The following MMP16 variants were observed in gnomAD, a reference collection of about 807,000 sequenced individuals.
The protein encoded by MMP16 is matrix metallopeptidase 16.
In MMP16, 12 loss-of-function variants were observed where a neutral mutation model predicts 67.8. That is an observed-to-expected ratio of 0.18 (90% CI 0.11 to 0.29). The LOEUF is 0.29. MMP16 is among the 10% of genes least tolerant of loss of function. MMP16 has a pLI of 1.00. For missense variants in MMP16, 475 were observed against 765.7 expected, an observed-to-expected ratio of 0.62 and a Z score of 4.48; for synonymous variants, 249 against 255.9, an observed-to-expected ratio of 0.97 and a Z score of 0.26.
chr8:88,189,660 C>T (rs1781773516), intron 2 of MMP16, among the ~76,000 whole-genome samples: 3 of 152,288 alleles, frequency 2.0e-5, no homozygotes, highest in East Asian at 1.9e-4. Context: ...GTCCCCTGTC[C>T]TCCTTCTCAA....
intron 4 of MMP16, among the ~76,000 whole-genome samples, chr8:88,147,589 G>C (rs1420716979): frequency 6.6e-6 from 1 of 151,704 alleles, no homozygotes; most frequent in Non-Finnish European, 1.5e-5. Context: ...CCTAACCTTG[G>C]AAAGAGTTTT....
At chr8:88,103,067 CT>C (rs1809171380) in intron 6 of MMP16, among the ~76,000 whole-genome samples, 1 of 151,814 alleles carries the variant, frequency 6.6e-6, no homozygotes, top group Non-Finnish European at 1.5e-5. Context: ...CTGTTTGAGA[CT>C]TTCCATCTTC....
At chr8:88,113,110 C>T (rs74989995) in intron 6 of MMP16, among the ~76,000 whole-genome samples, 1 of 151,816 alleles carries the variant, frequency 6.6e-6, no homozygotes, top group Non-Finnish European at 1.5e-5. Flanking sequence ...TTCATTAGCA[C>T]TGAGCACTAT....
chr8:88,082,010 T>C (rs1203697044), intron 6 of MMP16, among the ~76,000 whole-genome samples: 4 of 152,100 alleles, frequency 2.6e-5, no homozygotes, highest in African/African-American at 7.2e-5. Context: ...TAAAAAGCTA[T>C]GAAAACATGG....
intron 1 of MMP16, among the ~76,000 whole-genome samples, chr8:88,272,188 C>A (rs2129974607): frequency 6.6e-6 from 1 of 152,256 alleles, no homozygotes; most frequent in Middle Eastern, 3.4e-3. Flanking sequence ...ATTTATCAAT[C>A]ATTTTTATCA....
intron 1 of MMP16, among the ~76,000 whole-genome samples, chr8:88,239,096 T>G (rs1243658705): frequency 6.6e-6 from 1 of 152,124 alleles, no homozygotes; most frequent in African/African-American, 2.4e-5. Flanking sequence ...CTTTCCTTGC[T>G]GCTCTCCTGC....
At chr8:88,308,926 C>T (rs1811253525) in intron 1 of MMP16, among the ~76,000 whole-genome samples, 2 of 151,636 alleles carry the variant, frequency 1.3e-5, no homozygotes, top group South Asian at 2.1e-4. Flanking sequence ...TTAAAAAATG[C>T]AAATAGTTTA....
At chr8:88,150,931 A>G (rs1808394428) in intron 4 of MMP16, among the ~76,000 whole-genome samples, 2 of 135,976 alleles carry the variant, frequency 1.5e-5, no homozygotes, top group Admixed American at 7.7e-5. Flanking sequence ...TTGGATAAAG[A>G]GTCAAGACCC....
At chr8:88,228,645 T>A (rs1378998925) in intron 1 of MMP16, among the ~76,000 whole-genome samples, 1 of 151,960 alleles carries the variant, frequency 6.6e-6, no homozygotes, top group East Asian at 1.9e-4. Context: ...CATCTGAGAG[T>A]CTGTCTTAAA....
chr8:88,178,200 A>G (rs116279664), intron 3 of MMP16, among the ~76,000 whole-genome samples: 75 of 152,328 alleles, frequency 4.9e-4, no homozygotes, highest in African/African-American at 1.7e-3. Context: ...GGAAGAGAAA[A>G]CAGAGGCTGA....
intron 1 of MMP16, among the ~76,000 whole-genome samples, chr8:88,280,071 T>C (rs1394689386): frequency 6.6e-6 from 1 of 152,184 alleles, no homozygotes; most frequent in Non-Finnish European, 1.5e-5. Flanking sequence ...GGAGTCTCCC[T>C]CTGTAGATAA....
At chr8:88,190,779 C>T (rs1043618964) in intron 2 of MMP16, among the ~76,000 whole-genome samples, 145 of 151,992 alleles carry the variant, frequency 9.5e-4, no homozygotes, top group African/African-American at 3.1e-3. Flanking sequence ...AAAATCTAGT[C>T]ACCACCTTTT....
At chr8:88,270,778 G>A (rs892651527) in intron 1 of MMP16, among the ~76,000 whole-genome samples, 1 of 152,102 alleles carries the variant, frequency 6.6e-6, no homozygotes, top group African/African-American at 2.4e-5. Context: ...TTTATTTTGT[G>A]CCTTTCTAGT....
chr8:88,256,752 A>T (rs1371800527), intron 1 of MMP16, among the ~76,000 whole-genome samples: 1 of 151,832 alleles, frequency 6.6e-6, no homozygotes, highest in African/African-American at 2.4e-5. Flanking sequence ...CTTATAACTC[A>T]GAGGGTCCCT....
At chr8:88,321,384 T>G (rs1203616637) in intron 1 of MMP16, among the ~76,000 whole-genome samples, 1 of 152,174 alleles carries the variant, frequency 6.6e-6, no homozygotes, top group Non-Finnish European at 1.5e-5. Flanking sequence ...CTTTTTATGA[T>G]TGAATTACCA....
chr8:88,319,715 G>T (rs138913554), intron 1 of MMP16, among the ~76,000 whole-genome samples: 30 of 152,154 alleles, frequency 2.0e-4, no homozygotes, highest in African/African-American at 7.0e-4. Flanking sequence ...GCAATTTAGG[G>T]ACATGAAATG....
chr8:88,143,954 A>G (rs537024739), intron 4 of MMP16, among the ~76,000 whole-genome samples: 1 of 152,140 alleles, frequency 6.6e-6, no homozygotes, highest in East Asian at 1.9e-4. Flanking sequence ...CATACATAAG[A>G]GAAATGTACA....
intron 9 of MMP16, among the ~76,000 whole-genome samples, chr8:88,042,420 C>T (rs999832516): frequency 9.2e-5 from 14 of 152,138 alleles, no homozygotes; most frequent in Non-Finnish European, 2.1e-4. Flanking sequence ...GGAATCTTAA[C>T]AAGTAAAGAC....
intron 6 of MMP16, among the ~76,000 whole-genome samples, chr8:88,097,091 G>A (rs573240258): frequency 7.2e-5 from 11 of 151,910 alleles, no homozygotes; most frequent in South Asian, 4.1e-4. Flanking sequence ...TAAAATATTC[G>A]ATGTCACCTG....
Sources: gnomAD v4.1 joint callset for allele counts (sites outside exome capture counted in the v4.1 genomes callset) on GRCh38, gnomAD v4.1.1 for gene constraint, MANE v1.5 for transcripts, NCBI Gene and HGNC (gene_info 2026-07-23, HGNC 2026-07-21) for gene names.